Variants in INPP5D observed in about 807,000 individuals in gnomAD.
INPP5D encodes the protein inositol polyphosphate-5-phosphatase D, also known as phosphatidylinositol 3,4,5-trisphosphate 5-phosphatase 1.
INPP5D carries 33 observed loss-of-function variants against 122.9 expected under a neutral mutation model. The observed-to-expected ratio is 0.27, with a 90% CI of 0.20 to 0.36. The LOEUF (loss-of-function observed/expected upper bound fraction) is 0.36. Ranked by LOEUF, INPP5D falls within the 10% of genes least tolerant of loss-of-function variation. The pLI, the probability that INPP5D is intolerant of heterozygous loss-of-function variation, is 1.00. For synonymous variants in INPP5D, 584 were observed against 576.2 expected, an observed-to-expected ratio of 1.01 and a Z score of -0.19; for missense variants, 1,053 against 1,412.7, an observed-to-expected ratio of 0.75 and a Z score of 4.08.
At chr2:233,153,285 C>T (rs1418005715) in intron 9 of INPP5D, among the ~76,000 whole-genome samples, 4 of 152,194 alleles carry the variant, frequency 2.6e-5, no homozygotes, top group African/African-American at 9.7e-5. Flanking sequence ...AAAGTCTCAG[C>T]ATTTGGTTAG....
At chr2:233,187,006 G>A (rs1026668233) in intron 21 of INPP5D, among the ~76,000 whole-genome samples, 15 of 151,638 alleles carry the variant, frequency 9.9e-5, no homozygotes, top group Admixed American at 6.6e-4. Context: ...ATGAGCCACC[G>A]CATCCAGCCT....
intron 9 of INPP5D, among the ~76,000 whole-genome samples, chr2:233,154,527 G>A (rs36136502): frequency 0.51 from 77,860 of 152,070 alleles, 20,627 homozygotes; most frequent in East Asian, 0.66. Flanking sequence ...CTGGTTACAG[G>A]AAGAAGGCCT....
intron 5 of INPP5D, among the ~76,000 whole-genome samples, chr2:233,138,912 A>ATTTTTTTTT (rs759201099): frequency 0.02 from 2,841 of 140,152 alleles, 70 homozygotes; most frequent in East Asian, 0.16. Context: ...CACCTGGCTA[A>ATTTTTTTTT]TTTTTTTTTT....
In INPP5D at chr2:233,147,551, G is replaced by A. The variant is rs941893138; in HGVS notation, c.987G>A (p.Lys329=). 1 of 704,196 alleles carries A rather than the reference G, an allele frequency of 1.4e-6. No individual in the cohort carries two copies. Among genetic ancestry groups the A allele is most frequent in the Non-Finnish European group, 2.6e-6 (1 of 385,026 alleles). The allele number at this position is 704,196 out of a possible 1,614,324, so 43.6% of individuals were successfully genotyped here. ...AGTCTGGGAAACTGATCATTAAGAAGTCCAAGGATGGTTCTGAGGACAAGT... is the reference window on the plus strand; with the variant it reads ...AGTCTGGGAAACTGATCATTAAGAAATCCAAGGATGGTTCTGAGGACAAGT... The part of the protein sequence containing the change: ...DVESGKLIIK[K]SKDGSEDKFY... The change falls in exon 9 of 27, where the codon AAG becomes AAA. Residue 329 remains lysine (K), a synonymous_variant. Coordinates refer to ENST00000445964, the MANE Select transcript of INPP5D (RefSeq NM_001017915.3).
intron 4 of INPP5D, among the ~76,000 whole-genome samples, chr2:233,127,390 A>G (rs1693192912): frequency 6.6e-6 from 1 of 152,206 alleles, no homozygotes. Context: ...GGGAATCCAC[A>G]TTGTGTTTTA....
chr2:233,205,374 A>G (rs1401728493), intron 26 of INPP5D: 2 of 151,522 alleles, frequency 1.3e-5, no homozygotes, highest in African/African-American at 4.9e-5. Context: ...ATTAAAAAAC[A>G]ACAACAACGG....
intron 3 of INPP5D, among the ~76,000 whole-genome samples, chr2:233,124,715 G>T (rs1693101873): frequency 6.6e-6 from 1 of 152,250 alleles, no homozygotes; most frequent in Non-Finnish European, 1.5e-5. Flanking sequence ...ATCCCAGCTA[G>T]TTGGGCCCCT....
At chr2:233,125,671 C>T (rs905424788) in intron 3 of INPP5D, 74 bp from the exon 4 acceptor site, 41 of 1,379,724 alleles carry the variant, frequency 3.0e-5, no homozygotes, top group Non-Finnish European at 3.3e-5. Flanking sequence ...TGGCCTGGAC[C>T]CCATGGGGCT....
intron 17 of INPP5D, among the ~76,000 whole-genome samples, chr2:233,176,054 A>C (rs942193951): frequency 2.6e-5 from 4 of 152,218 alleles, no homozygotes; most frequent in African/African-American, 9.6e-5. Context: ...GAGATGACAG[A>C]GATAAGCTCT....
intron 2 of INPP5D, among the ~76,000 whole-genome samples, chr2:233,097,405 A>G (rs1009947657): frequency 6.6e-6 from 1 of 152,256 alleles, no homozygotes; most frequent in Non-Finnish European, 1.5e-5. Context: ...ACATGTAATT[A>G]ATAGGTTAAT....
Position 233,164,429 on chromosome 2 carries a change from G to A in INPP5D, c.1555+5G>A. 1.3e-6 allele frequency: 2 copies of A among 1,546,818 alleles called. No individual in the cohort carries two copies. The highest frequency in any genetic ancestry group is 2.4e-5 in the South Asian group (2 of 83,524). ...CAGGCATTGCAAACACACTGGGTGA[G>A]CAGGGCGGGGACCCTGTGTTCCTCC... On this transcript the variant is annotated splice_donor_5th_base_variant and intron_variant, in intron 13 of 26. Coordinates refer to ENST00000445964, the MANE Select transcript of INPP5D (RefSeq NM_001017915.3). The surrounding 1 kb of genome is among the most constrained non-coding windows in gnomAD (Gnocchi z 4.3).
intron 13 of INPP5D, 72 bp from the exon 14 acceptor site, chr2:233,169,233 C>T (rs761988602): frequency 3.8e-5 from 59 of 1,544,410 alleles, no homozygotes; most frequent in Non-Finnish European, 4.0e-5. Flanking sequence ...ACCCTGCCTT[C>T]GGGTGATTTC....
chr2:233,147,324 C>T (rs146744645), intron 8 of INPP5D, 147 bp from the exon 9 acceptor site: 67,494 of 605,360 alleles, frequency 0.11, 4,867 homozygotes, highest in Middle Eastern at 0.15. Flanking sequence ...CATGCACGTG[C>T]GCCGCTGGGG....
At chr2:233,085,930 T>A (rs1468745867) in intron 2 of INPP5D, among the ~76,000 whole-genome samples, 1 of 152,186 alleles carries the variant, frequency 6.6e-6, no homozygotes, top group Non-Finnish European at 1.5e-5. Flanking sequence ...TTGCCCCAGA[T>A]CATGGGCCTG....
At chr2:233,110,942 A>AC (rs148146140) in intron 2 of INPP5D, among the ~76,000 whole-genome samples, 15,994 of 111,674 alleles carry the variant, frequency 0.14, 1,074 homozygotes, top group Middle Eastern at 0.22. Context: ...AAAAACAACA[A>AC]AAAAAAAAAA....
At chr2:233,144,519 T>TG (rs1693702178) in intron 6 of INPP5D, among the ~76,000 whole-genome samples, 1 of 112,734 alleles carries the variant, frequency 8.9e-6, no homozygotes. Context: ...GTGGTGGTGA[T>TG]GGTGATGGTG....
chr2:233,098,035 G>A (rs377084367), intron 2 of INPP5D, among the ~76,000 whole-genome samples: 7 of 151,980 alleles, frequency 4.6e-5, no homozygotes, highest in Admixed American at 1.3e-4. Context: ...ACAGGCATGC[G>A]CCACCATGCC....
intron 2 of INPP5D, among the ~76,000 whole-genome samples, chr2:233,121,463 A>G (rs1692976535): frequency 6.6e-6 from 1 of 150,998 alleles, no homozygotes; most frequent in Non-Finnish European, 1.5e-5. Flanking sequence ...AAAAATCCAT[A>G]TTTCTAATTT....
At chr2:233,118,050 A>T (rs1692854559) in intron 2 of INPP5D, among the ~76,000 whole-genome samples, 1 of 152,194 alleles carries the variant, frequency 6.6e-6, no homozygotes, top group African/African-American at 2.4e-5. Context: ...GTGGGCACAC[A>T]GCTGGGTGGA....
Sources: gnomAD v4.1 joint callset for allele counts (sites outside exome capture counted in the v4.1 genomes callset) on GRCh38, gnomAD v4.1.1 for gene constraint, Gnocchi (gnomAD v3.1) non-coding constraint, MANE v1.5 for transcripts, NCBI Gene and HGNC (gene_info 2026-07-23, HGNC 2026-07-21) for gene names.